The following RB1CC1 variants were observed in gnomAD, a reference collection of about 807,000 sequenced individuals.
RB1CC1 encodes the protein RB1 inducible coiled-coil 1.
A neutral mutation model predicts 177.5 loss-of-function variants in RB1CC1; 46 were observed. That is an observed-to-expected ratio of 0.26 (90% CI 0.20 to 0.33). The LOEUF is 0.33. RB1CC1 is among the 10% of genes least tolerant of loss of function. The pLI, the probability that RB1CC1 is intolerant of heterozygous loss-of-function variation, is 1.00. For synonymous variants in RB1CC1, 666 were observed against 613.6 expected (o/e 1.09, Z -1.26); for missense variants, 1,703 against 1,816.3 (o/e 0.94, Z 1.13).
intron 1 of RB1CC1, among the ~76,000 whole-genome samples, chr8:52,696,221 T>A (rs1855395153): frequency 6.6e-6 from 1 of 151,376 alleles, no homozygotes; most frequent in Non-Finnish European, 1.5e-5. Context: ...ATTTTTGTAT[T>A]TTCAGAGAGA....
intron 8 of RB1CC1, among the ~76,000 whole-genome samples, chr8:52,665,850 TAAG>T (rs1852021648): frequency 6.6e-6 from 1 of 152,138 alleles, no homozygotes; most frequent in Non-Finnish European, 1.5e-5. Flanking sequence ...AAATTAAAAA[TAAG>T]TAGTCAGCAG....
chr8:52,664,096 C>A (rs1468216355), intron 8 of RB1CC1, among the ~76,000 whole-genome samples: 1 of 152,212 alleles, frequency 6.6e-6, no homozygotes, highest in African/African-American at 2.4e-5. Context: ...CTCTGTACAT[C>A]CCTTGGCGGC....
At position 52,674,188 on chromosome 8, in the gene RB1CC1, A is replaced by G. The variant is rs1414373067; in HGVS notation, c.659T>C (p.Leu220Pro). 1 of 1,612,892 alleles carries G rather than the reference A, an allele frequency of 6.2e-7. No homozygotes were observed. The highest frequency in any genetic ancestry group is 1.1e-5 in the South Asian group (1 of 91,062). Residue 220 changes from leucine (L) to proline (P), a missense_variant, in exon 7 of 24, where the codon CTG becomes CCG. Transcript: ENST00000025008. ...RHSYRECLGR[L>P]DSLPEHEDSE... ...GTCTTCATGTTCAGGTAAAGAATCC[A>G]GTCTTCCCAAACATTCTCTGTAACT...
At chr8:52,704,531 G>C (rs1490009896) in intron 1 of RB1CC1, among the ~76,000 whole-genome samples, 1 of 149,482 alleles carries the variant, frequency 6.7e-6, no homozygotes, top group Admixed American at 6.7e-5. Flanking sequence ...TACCCTCACT[G>C]ATCACATTAC....
At chr8:52,683,505 A>C in intron 5 of RB1CC1, 44 bp downstream of exon 5, 1 of 1,475,650 alleles carries the variant, frequency 6.8e-7, no homozygotes, top group Admixed American at 2.3e-5. Flanking sequence ...TTAGATCCGA[A>C]TGCTTTTAGA....
At position 52,650,760 on chromosome 8, in the gene RB1CC1, A is replaced by G. The variant is rs553702202; in HGVS notation, c.3822-4893T>C. ...CTGGAAAACCAGGGCAGTACATGGC[A>G]TAACAGTACACACTTGTAGTTGTTT... is the stretch of plus-strand genomic sequence containing the variant. On this transcript the variant is annotated intron_variant, in intron 15 of 23. Transcript: ENST00000025008. Among the ~76,000 whole-genome samples, 9 of 152,316 alleles carry G rather than the reference A, an allele frequency of 5.9e-5. 1 individual carries two copies. In the South Asian group the frequency reaches 1.0e-3, roughly 18 times the overall value.
At chr8:52,680,739 A>G (rs979363821) in intron 5 of RB1CC1, among the ~76,000 whole-genome samples, 1 of 152,218 alleles carries the variant, frequency 6.6e-6, no homozygotes, top group Non-Finnish European at 1.5e-5. Context: ...CCACGGATAC[A>G]TGCAACAGCA....
chr8:52,642,247 G>T (rs1477113592), intron 18 of RB1CC1, 104 bp downstream of exon 18: 11 of 1,371,474 alleles, frequency 8.0e-6, no homozygotes, highest in Non-Finnish European at 9.9e-6. Flanking sequence ...CAGATACATG[G>T]GCTGTGGACA....
At chr8:52,639,477 T>C (rs1002117927) in intron 18 of RB1CC1, among the ~76,000 whole-genome samples, 2 of 152,198 alleles carry the variant, frequency 1.3e-5, no homozygotes, top group Non-Finnish European at 2.9e-5. Context: ...GAAAAAGTTG[T>C]TTCCAAATTT....
intron 7 of RB1CC1, among the ~76,000 whole-genome samples, chr8:52,672,642 A>AG (rs1483211303): frequency 1.3e-5 from 2 of 152,122 alleles, no homozygotes; most frequent in Non-Finnish European, 2.9e-5. Context: ...GCTACTCGGG[A>AG]GGCTGAGGTG....
In RB1CC1 at chr8:52,647,825, T is replaced by A. The variant is rs188107811; in HGVS notation, c.3822-1958A>T. Among the ~76,000 whole-genome samples, 280 of 152,280 alleles carry A rather than the reference T, an allele frequency of 1.8e-3. 3 individuals are homozygous for A. The highest frequency in any genetic ancestry group is 6.5e-3 in the African/African-American group (272 of 41,550). On this transcript the variant is annotated intron_variant, in intron 15 of 23. Coordinates refer to ENST00000025008, the MANE Select transcript of RB1CC1 (RefSeq NM_014781.5). ...GGTCTAGAGAATGATATCGTGTGAA[T>A]CTAGGCTTTGAAAAGACTATTGTGA... is the stretch of plus-strand genomic sequence containing the variant.
intron 6 of RB1CC1, among the ~76,000 whole-genome samples, chr8:52,675,087 T>C (rs185789650): frequency 1.1e-4 from 17 of 152,314 alleles, no homozygotes; most frequent in Non-Finnish European, 1.9e-4. Flanking sequence ...TGCAATATGA[T>C]GTAGGTCCCT....
intron 1 of RB1CC1, among the ~76,000 whole-genome samples, chr8:52,698,365 C>T (rs1855645404): frequency 6.6e-6 from 1 of 152,022 alleles, no homozygotes; most frequent in African/African-American, 2.4e-5. Context: ...CTCTGTCGCC[C>T]AGGCTGGAGT....
intron 1 of RB1CC1, among the ~76,000 whole-genome samples, chr8:52,713,777 G>A (rs1857261661): frequency 6.6e-6 from 1 of 152,222 alleles, no homozygotes; most frequent in Non-Finnish European, 1.5e-5. Context: ...GGCTCCGGCC[G>A]AGGAAGCCGC....
chr8:52,663,894 T>C (rs1428166864), intron 8 of RB1CC1, among the ~76,000 whole-genome samples: 1 of 152,174 alleles, frequency 6.6e-6, no homozygotes, highest in Non-Finnish European at 1.5e-5. Flanking sequence ...CAATGGAAGA[T>C]AGAGTAGTGT....
At chr8:52,680,332 GA>G (rs974739254) in intron 5 of RB1CC1, among the ~76,000 whole-genome samples, 2 of 152,152 alleles carry the variant, frequency 1.3e-5, no homozygotes, top group Non-Finnish European at 2.9e-5. Flanking sequence ...GGCTACACTG[GA>G]AGAAGACACG....
intron 1 of RB1CC1, among the ~76,000 whole-genome samples, chr8:52,703,165 T>C (rs555546397): frequency 1.3e-5 from 2 of 152,274 alleles, no homozygotes; most frequent in East Asian, 3.9e-4. Context: ...TAACATCATA[T>C]ATGAATAAGT....
chr8:52,650,307 G>A (rs150819740), intron 15 of RB1CC1, among the ~76,000 whole-genome samples: 39 of 152,316 alleles, frequency 2.6e-4, no homozygotes, highest in African/African-American at 8.7e-4. Flanking sequence ...ACCTGACCTG[G>A]GATGCTGAAG....
rs747330815 is a variant in RB1CC1 at position 52,676,496 on chromosome 8, C to T, written c.445G>A (p.Gly149Ser). The T allele has an allele frequency of 1.2e-6, 2 of 1,613,664 alleles. No homozygotes were observed. The highest frequency in any genetic ancestry group is 1.7e-6 in the Non-Finnish European group (2 of 1,179,870). The change falls in exon 6 of 24, where the codon GGC becomes AGC. Residue 149 changes from glycine to serine, a missense_variant. This residue lies in a region of RB1CC1 where 315 missense variants were observed against 304.9 expected (regional missense o/e 1.03). Coordinates refer to ENST00000025008, the MANE Select transcript of RB1CC1 (RefSeq NM_014781.5). ...LVHDEHLQHQ[G>S]WAAIMANLED... is the part of the protein sequence containing the mutation. ...AGGTTGGCCATGATTGCAGCCCAGCCTTGGTGTTGAAGATGTTCATCATGT... is the reference window on the plus strand; with the variant it reads ...AGGTTGGCCATGATTGCAGCCCAGCTTTGGTGTTGAAGATGTTCATCATGT...
Sources: gnomAD v4.1 joint callset for allele counts (sites outside exome capture counted in the v4.1 genomes callset) on GRCh38, gnomAD v4.1.1 for gene constraint, gnomAD v4.1.1 regional missense constraint, MANE v1.5 for transcripts, NCBI Gene and HGNC (gene_info 2026-07-23, HGNC 2026-07-21) for gene names.